Variants in DBNDD1 observed in about 807,000 individuals in gnomAD.
The protein encoded by DBNDD1 is dysbindin domain containing 1, also known as dysbindin domain-containing protein 1.
Under a neutral mutation model 17.0 loss-of-function variants are expected in DBNDD1, and 14 were observed. The observed-to-expected ratio is 0.82, with a 90% confidence interval of 0.54 to 1.29. DBNDD1 has a LOEUF of 1.29. Among genes scored for constraint, DBNDD1 ranks in the 50% most tolerant of loss-of-function variants. The pLI is 0.00. For synonymous variants in DBNDD1, 105 were observed against 102.0 expected (o/e 1.03, Z -0.18); for missense variants, 221 against 216.2 (o/e 1.02, Z -0.14).
At chr16:90,007,984 C>T (rs2035465183) in intron 3 of DBNDD1, among the ~76,000 whole-genome samples, 1 of 150,344 alleles carries the variant, frequency 6.7e-6, no homozygotes, top group African/African-American at 2.4e-5. Context: ...AACACACCTC[C>T]CAGGACGTCC....
intron 1 of DBNDD1, among the ~76,000 whole-genome samples, chr16:90,013,262 TAAAAA>T (rs59831191): frequency 4.1e-5 from 2 of 49,182 alleles, no homozygotes; most frequent in South Asian, 1.0e-3. Flanking sequence ...AACCTTGCCT[TAAAAA>T]AAAAAAAAAA....
chr16:90,011,549 G>A lies in DBNDD1; in HGVS notation c.32-2119C>T, dbSNP rs189698515. The stretch of plus-strand genomic sequence containing the variant: ...TGGCCTGACAGTGTCCCCTCGCCCC[G>A]TCGGCCGTGTGGTCATTCTGTGTGG... On this transcript the variant is annotated intron_variant, in intron 1 of 3. Transcript: ENST00000002501. The A allele has an allele frequency of 6.6e-5, 27 of 410,174 alleles. No homozygotes were observed. The Middle Eastern group carries it at 1.1e-3, about 16-fold the overall frequency. The allele number at this position is 410,174 out of a possible 1,614,324, so 25.4% of individuals were successfully genotyped here.
At position 90,008,855 on chromosome 16, in the gene DBNDD1, A is replaced by G. The variant is rs760098767; in HGVS notation, c.248T>C (p.Met83Thr). 5 of 1,603,348 alleles carry G rather than the reference A, an allele frequency of 3.1e-6. No individual in the cohort carries two copies. The highest frequency in any genetic ancestry group is 1.7e-6 in the Non-Finnish European group (2 of 1,173,456). The change falls in exon 3 of 4, where the codon ATG becomes ACG. Residue 83 changes from methionine (M) to threonine (T), a missense_variant. Coordinates refer to ENST00000002501, the MANE Select transcript of DBNDD1 (RefSeq NM_001042610.3). ...GACCTCGGCCAGCTCCTGGTCCGAC[A>G]TGTCGGTGAGCTCAGTGAGGTCCAG... ...DLLDLTELTD[M>T]SDQELAEVFA... is the part of the protein sequence containing the mutation.
intron 1 of DBNDD1, chr16:90,010,034 C>G: frequency 1.2e-6 from 2 of 1,614,114 alleles, no homozygotes; most frequent in Non-Finnish European, 1.7e-6. Flanking sequence ...AATATTCTTC[C>G]AGGTTTCTCC....
chr16:90,009,161 C>T, intron 2 of DBNDD1, 123 bp downstream of exon 2: 2 of 1,424,184 alleles, frequency 1.4e-6, no homozygotes, highest in Non-Finnish European at 1.9e-6. Flanking sequence ...AAGAGCCTAG[C>T]ACACAGCGCC....
chr16:90,006,593 G>T (rs1222793786), intron 3 of DBNDD1, 101 bp from the exon 4 acceptor site: 3 of 1,422,608 alleles, frequency 2.1e-6, no homozygotes, highest in Non-Finnish European at 2.8e-6. Context: ...TCCTGCCAAT[G>T]CTCTGCACCA....
rs769863335 is a variant in DBNDD1 at position 90,009,997 on chromosome 16, C to G, written c.32-567G>C. The G allele has an allele frequency of 2.5e-6, 4 of 1,614,086 alleles. No homozygotes were observed. In the African/African-American group the frequency reaches 5.3e-5, roughly 22 times the overall value. ...GGCCTGCCATTCTGTGATCCCTTAGCCACCAACCATGCCTCACAGTTGAGC... is the reference window on the plus strand; with the variant it reads ...GGCCTGCCATTCTGTGATCCCTTAGGCACCAACCATGCCTCACAGTTGAGC... On this transcript the variant is annotated intron_variant, in intron 1 of 3. Coordinates refer to ENST00000002501, the MANE Select transcript of DBNDD1 (RefSeq NM_001042610.3).
chr16:90,007,646 G>C (rs1239446742), intron 3 of DBNDD1: 1 of 152,370 alleles, frequency 6.6e-6, no homozygotes, highest in Non-Finnish European at 1.5e-5. Flanking sequence ...GCCCGGGCTG[G>C]TGACCACCCC....
Position 90,008,344 on chromosome 16 carries a change from C to T in DBNDD1, c.319+440G>A, listed in dbSNP as rs1374128981. Among the ~76,000 whole-genome samples the T allele has an allele frequency of 5.1e-5, 3 of 58,690 alleles. 1 individual carries two copies. The highest frequency in any genetic ancestry group is 4.7e-4 in the Admixed American group (3 of 6,400). 38.5% of individuals were successfully genotyped at this position (58,690 alleles called of 152,430 possible). A position where few individuals can be genotyped will look rare whatever the true frequency, so the allele number is the denominator to read the frequency against. On this transcript the variant is annotated intron_variant, in intron 3 of 3. Coordinates refer to ENST00000002501, the MANE Select transcript of DBNDD1 (RefSeq NM_001042610.3). ...CCAAGGGGCCTCAGCCCACCACGCA[C>T]ACCTCCCAGGACTTCCCAAGGGGCC...
rs74598393 is a variant in DBNDD1, at chr16:90,010,717, C to T, written c.32-1287G>A. On this transcript the variant is annotated intron_variant, in intron 1 of 3. Coordinates refer to ENST00000002501, the MANE Select transcript of DBNDD1 (RefSeq NM_001042610.3). ...GCTGACCCAAAGCCGGGGACATTGG[C>T]GAGTCTTATGTCCATCCCTCCACAG... Among the ~76,000 whole-genome samples, 1,264 of 152,252 alleles carry T rather than the reference C, an allele frequency of 8.3e-3. 26 individuals are homozygous for T. Among genetic ancestry groups the T allele is most frequent in the African/African-American group, 0.029 (1,225 of 41,540 alleles).
chr16:90,013,840 C>G (rs944686650), intron 1 of DBNDD1, among the ~76,000 whole-genome samples: 4 of 151,936 alleles, frequency 2.6e-5, no homozygotes, highest in Non-Finnish European at 5.9e-5. Context: ...GGGCTGTGCT[C>G]CCATTTTAGG....
At chr16:90,011,953 C>T (rs1039481153) in intron 1 of DBNDD1, among the ~76,000 whole-genome samples, 9 of 152,226 alleles carry the variant, frequency 5.9e-5, no homozygotes, top group African/African-American at 1.4e-4. Flanking sequence ...TGGGCCCTTC[C>T]TCAAGGAGAG....
Position 90,019,250 on chromosome 16 carries a change from GGCTGCGGCTC to G in DBNDD1, c.31+51_31+60del. The G allele has an allele frequency of 4.4e-6, 4 of 912,080 alleles. No homozygotes were observed. Among genetic ancestry groups the G allele is most frequent in the Non-Finnish European group, 5.7e-6 (4 of 699,786 alleles). 56.5% of individuals were successfully genotyped at this position (912,080 alleles called of 1,614,324 possible). A position where few individuals can be genotyped will look rare whatever the true frequency, so the allele number is the denominator to read the frequency against. The stretch of plus-strand genomic sequence containing the variant: ...GCGAAGGGTGAGCCCTGGGGGGAGG[GGCTGCGGCTC>G]GCTGCGGGGAAGCGCTGCGCGGGGG... On this transcript the variant is annotated intron_variant, in intron 1 of 3. Coordinates refer to ENST00000002501, the MANE Select transcript of DBNDD1 (RefSeq NM_001042610.3). The surrounding 1 kb of genome is among the most constrained non-coding windows in gnomAD (Gnocchi z 6.1).
In DBNDD1 at chr16:90,006,426, T is replaced by C; in HGVS notation, c.386A>G (p.Gln129Arg). The C allele has an allele frequency of 6.2e-7, 1 of 1,603,752 alleles. No individual in the cohort carries two copies. Among genetic ancestry groups the C allele is most frequent in the South Asian group, 1.1e-5 (1 of 91,038 alleles). The stretch of plus-strand genomic sequence containing the variant: ...GCCTAGGGGCTGCTTCTCGTGGCTC[T>C]GCTCAGCCCTTGTCCTCGTCCAGGA... The part of the protein sequence containing the change: ...SPSWTRTRAE[Q>R]SHEKQPLGDP... The change falls in exon 4 of 4, where the codon CAG (glutamine) becomes CGG (arginine). Residue 129 changes from glutamine to arginine, a missense_variant. Transcript: ENST00000002501.
chr16:90,016,237 C>T (rs1019371031), intron 1 of DBNDD1, among the ~76,000 whole-genome samples: 3 of 152,132 alleles, frequency 2.0e-5, no homozygotes, highest in Admixed American at 1.3e-4. Flanking sequence ...ACAGTAGGTG[C>T]GCAGTAAACA....
rs1346397316 is a variant in DBNDD1, at chr16:90,006,590, A to C, written c.320-98T>G. 2.8e-6 allele frequency: 4 copies of C among 1,444,168 alleles called. No homozygotes were observed. The African/African-American group carries it at 5.6e-5, about 20-fold the overall frequency. The allele number at this position is 1,444,168 out of a possible 1,614,324, so 89.5% of individuals were successfully genotyped here. A position where few individuals can be genotyped will look rare whatever the true frequency, so the allele number is the denominator to read the frequency against. ...GCCGGCCTCCTGCGCCACTCCTGCC[A>C]ATGCTCTGCACCAGCCCCCTGCACC... On this transcript the variant is annotated intron_variant, in intron 3 of 3. Coordinates refer to ENST00000002501, the MANE Select transcript of DBNDD1 (RefSeq NM_001042610.3).
At chr16:90,018,650 C>A (rs143684117) in intron 1 of DBNDD1, among the ~76,000 whole-genome samples, 34 of 152,340 alleles carry the variant, frequency 2.2e-4, no homozygotes, top group Middle Eastern at 3.4e-3. Flanking sequence ...GCTTTCTTCC[C>A]GTTACCGACT....
chr16:90,008,751 C>T lies in DBNDD1; in HGVS notation c.319+33G>A, dbSNP rs766949316. ...CCAAGGGGCCTCAGCCCACCAGGCACACCTCCCAGCCCAGCCCTGATGCCG... is the reference window on the plus strand; with the variant it reads ...CCAAGGGGCCTCAGCCCACCAGGCATACCTCCCAGCCCAGCCCTGATGCCG... On this transcript the variant is annotated intron_variant, in intron 3 of 3. Transcript: ENST00000002501. 9.5e-6 allele frequency: 15 copies of T among 1,577,694 alleles called. No individual in the cohort carries two copies. In the East Asian group the frequency reaches 2.9e-4, roughly 31 times the overall value.
At chr16:90,014,947 G>A (rs1249624631) in intron 1 of DBNDD1, among the ~76,000 whole-genome samples, 1 of 151,382 alleles carries the variant, frequency 6.6e-6, no homozygotes, top group Admixed American at 6.6e-5. Context: ...GGAGTTTGCA[G>A]TGAGCAGAGA....
Sources: allele counts gnomAD v4.1 joint callset (sites outside exome capture counted in the v4.1 genomes callset), GRCh38; gene constraint gnomAD v4.1.1; non-coding constraint Gnocchi (gnomAD v3.1); transcripts MANE v1.5; gene names NCBI Gene and HGNC (gene_info 2026-07-23, HGNC 2026-07-21).